Variants in SCN2A observed in about 807,000 individuals in gnomAD.
The protein encoded by SCN2A is sodium channel protein type 2 subunit alpha.
A neutral mutation model predicts 188.7 loss-of-function variants in SCN2A; 20 were observed. That is an observed-to-expected ratio of 0.11 (90% confidence interval 0.07 to 0.15). The LOEUF (loss-of-function observed/expected upper bound fraction) is 0.15, where lower values mean the gene tolerates loss of function less well. Ranked by LOEUF, SCN2A falls within the 10% of genes least tolerant of loss-of-function variation. The probability of loss-of-function intolerance (pLI) is 1.00; values close to 1 mark genes in which losing one functional copy is unlikely to be tolerated. For missense variants in SCN2A, 1,278 were observed against 2,445.0 expected, an observed-to-expected ratio of 0.52 and a Z score of 10.07; for synonymous variants, 804 against 833.1, an observed-to-expected ratio of 0.97 and a Z score of 0.60.
chr2:165,374,417 G>A lies in SCN2A; in HGVS notation c.3973-268G>A, dbSNP rs147704287. On this transcript the variant is annotated intron_variant, in intron 21 of 26. Transcript: ENST00000375437. ...ATACTCTTAATTATTTTTGGCATTT[G>A]CTGTTAGTTCCATCCTTTGAGGTAA... 4.5e-3 allele frequency among the ~76,000 whole-genome samples: 677 copies of A among 152,106 alleles called. 3 individuals are homozygous for A. Among genetic ancestry groups the A allele is most frequent in the African/African-American group, 0.016 (645 of 41,518 alleles).
chr2:165,334,796 G>A (rs1015528411), intron 14 of SCN2A, among the ~76,000 whole-genome samples: 14 of 151,250 alleles, frequency 9.3e-5, no homozygotes, highest in African/African-American at 3.4e-4. Context: ...GAAATTAATG[G>A]CATCTAGATT....
intron 11 of SCN2A, among the ~76,000 whole-genome samples, chr2:165,322,431 T>C (rs901570080): frequency 3.3e-5 from 5 of 152,204 alleles, no homozygotes; most frequent in African/African-American, 9.6e-5. Flanking sequence ...AGGGTACTGA[T>C]TTAAAAAAAC....
intron 16 of SCN2A, among the ~76,000 whole-genome samples, chr2:165,351,701 T>A (rs536463977): frequency 1.1e-3 from 160 of 152,272 alleles, no homozygotes; most frequent in African/African-American, 3.6e-3. Context: ...ATAAATCACA[T>A]AAACCTTGAA....
At chr2:165,373,192 A>G in intron 20 of SCN2A, 33 bp from the exon 21 acceptor site, 1 of 1,609,742 alleles carries the variant, frequency 6.2e-7, no homozygotes, top group Non-Finnish European at 8.5e-7. Flanking sequence ...TTTTATATGT[A>G]AATAAGAAAA....
At chr2:165,381,546 A>G (rs1448440609) in intron 25 of SCN2A, among the ~76,000 whole-genome samples, 1 of 152,042 alleles carries the variant, frequency 6.6e-6, no homozygotes, top group Non-Finnish European at 1.5e-5. Context: ...AAATGTTCTC[A>G]GAGTACAGAG....
intron 25 of SCN2A, among the ~76,000 whole-genome samples, chr2:165,385,003 C>A (rs893884153): frequency 5.3e-5 from 8 of 152,210 alleles, no homozygotes; most frequent in Admixed American, 5.2e-4. Context: ...AAAGTAGACA[C>A]ATTTATTGGG....
At chr2:165,267,018 A>G (rs1288294336) in intron 1 of SCN2A, 1 of 152,066 alleles carries the variant, frequency 6.6e-6, no homozygotes, top group Non-Finnish European at 1.5e-5. Context: ...CACACATAAA[A>G]AGAAAGATAT....
intron 6 of SCN2A, 136 bp from the exon 7 acceptor site, chr2:165,310,187 A>C: frequency 1.0e-6 from 1 of 959,086 alleles, no homozygotes; most frequent in South Asian, 1.3e-5. Context: ...AATGTTATTC[A>C]ATCACAAACA....
chr2:165,265,770 T>C (rs959622591), intron 1 of SCN2A, among the ~76,000 whole-genome samples: 15 of 150,866 alleles, frequency 9.9e-5, no homozygotes, highest in African/African-American at 3.4e-4. Flanking sequence ...AAGGAAAAAA[T>C]ATTATTATTT....
At chr2:165,291,348 GTTCGTTCCTTCCTTCCTTCCTTCC>G (rs1197266244) in intron 1 of SCN2A, among the ~76,000 whole-genome samples, 1,140 of 82,040 alleles carry the variant, frequency 0.014, 32 homozygotes, top group Non-Finnish European at 0.024. Context: ...CTTGTCTGTC[GTTCGTTCCTTCCTTCCTTCCTTCC>G]TTCCTTCCTT....
At chr2:165,245,674 C>T (rs1693813213) in intron 1 of SCN2A, among the ~76,000 whole-genome samples, 1 of 152,034 alleles carries the variant, frequency 6.6e-6, no homozygotes, top group Non-Finnish European at 1.5e-5. Flanking sequence ...GACAGGGTGA[C>T]CATAAAATGT....
intron 14 of SCN2A, among the ~76,000 whole-genome samples, chr2:165,336,259 ATATC>A (rs1698987947): frequency 6.6e-6 from 1 of 151,994 alleles, no homozygotes; most frequent in African/African-American, 2.4e-5. Context: ...TCGGATATAT[ATATC>A]TAAGAGAATT....
rs761510754 is a variant in SCN2A, at chr2:165,320,009, A to G, written c.1672-3147A>G. Among the ~76,000 whole-genome samples, 11 of 152,344 alleles carry G rather than the reference A, an allele frequency of 7.2e-5. No individual in the cohort carries two copies. The Middle Eastern group carries it at 0.024, about 330-fold the overall frequency. Reference sequence around the variant, plus strand: ...AAGTCCACAGTCCAAACAAAGCCTCATCGGAGACAAGGCAAGTCCTTTCCA... The same window carrying G: ...AAGTCCACAGTCCAAACAAAGCCTCGTCGGAGACAAGGCAAGTCCTTTCCA... On this transcript the variant is annotated intron_variant, in intron 11 of 26. Coordinates refer to ENST00000375437, the MANE Select transcript of SCN2A (RefSeq NM_001040142.2).
chr2:165,269,193 T>C (rs1037159619), intron 1 of SCN2A: 1 of 152,100 alleles, frequency 6.6e-6, no homozygotes, highest in Non-Finnish European at 1.5e-5. Context: ...AAGGAGATAT[T>C]AATTAGTTTG....
intron 1 of SCN2A, among the ~76,000 whole-genome samples, chr2:165,242,176 G>C (rs765146882): frequency 6.6e-6 from 1 of 152,162 alleles, no homozygotes; most frequent in Non-Finnish European, 1.5e-5. Context: ...CCATGTATCA[G>C]ATTAGTGGTT....
At chr2:165,253,612 CAG>C (rs1377793848) in intron 1 of SCN2A, among the ~76,000 whole-genome samples, 1 of 151,984 alleles carries the variant, frequency 6.6e-6, no homozygotes, top group East Asian at 1.9e-4. Flanking sequence ...ATACTTGCAA[CAG>C]AGACAATATG....
chr2:165,333,648 C>G (rs1361446188), intron 14 of SCN2A, among the ~76,000 whole-genome samples: 1 of 151,360 alleles, frequency 6.6e-6, no homozygotes, highest in Non-Finnish European at 1.5e-5. Context: ...GCAGCTAAAA[C>G]AATATTTAAA....
intron 17 of SCN2A, among the ~76,000 whole-genome samples, chr2:165,355,158 T>G (rs1209971791): frequency 6.6e-6 from 1 of 152,226 alleles, no homozygotes; most frequent in East Asian, 1.9e-4. Context: ...AAGATCTGAT[T>G]GGGATCTTGG....
Position 165,323,377 on chromosome 2 carries a change from C to G in SCN2A, c.1893C>G (p.Ala631=), listed in dbSNP as rs894459790. 1 of 1,614,164 alleles carries G rather than the reference C, an allele frequency of 6.2e-7. No homozygotes were observed. Among genetic ancestry groups the G allele is most frequent in the Non-Finnish European group, 8.5e-7 (1 of 1,180,022 alleles). ...RHSNVSQASR[A]SRVLPILPMN... is the part of the protein sequence containing the mutation. ...GCAATGTCAGCCAGGCCAGCCGTGCCTCCAGGGTGCTCCCCATCCTGCCCA... is the reference window on the plus strand; with the variant it reads ...GCAATGTCAGCCAGGCCAGCCGTGCGTCCAGGGTGCTCCCCATCCTGCCCA... The change falls in exon 12 of 27, where the codon GCC becomes GCG. Residue 631 remains alanine (A), a synonymous_variant. Coordinates refer to ENST00000375437, the MANE Select transcript of SCN2A (RefSeq NM_001040142.2).
Sources: gnomAD v4.1 joint callset for allele counts (sites outside exome capture counted in the v4.1 genomes callset) on GRCh38, gnomAD v4.1.1 for gene constraint, MANE v1.5 for transcripts, NCBI Gene and HGNC (gene_info 2026-07-23, HGNC 2026-07-21) for gene names.